Variants in UBE2W observed in about 807,000 individuals in gnomAD.
UBE2W encodes the protein ubiquitin-conjugating enzyme E2 W.
UBE2W carries 18 observed loss-of-function variants against 27.2 expected under a neutral mutation model. The ratio of observed to expected loss-of-function variants is 0.66; its 90% CI spans 0.46 to 0.98. The LOEUF is 0.98. Among genes scored for constraint, UBE2W ranks in the 50% least tolerant of loss-of-function variants. The probability of loss-of-function intolerance (pLI) is 0.00; values close to 1 mark genes in which losing one functional copy is unlikely to be tolerated. For missense variants in UBE2W, 90 were observed against 180.2 expected (o/e 0.50, Z 2.87); for synonymous variants, 53 against 57.2 (o/e 0.93, Z 0.33).
intron 1 of UBE2W, among the ~76,000 whole-genome samples, chr8:73,853,748 CA>C (rs773061578): frequency 2.0e-5 from 3 of 151,772 alleles, no homozygotes; most frequent in Non-Finnish European, 4.4e-5. Flanking sequence ...TCCAAATAAA[CA>C]TATTAAAGTA....
At chr8:73,799,483 G>A (rs554622491) in intron 5 of UBE2W, among the ~76,000 whole-genome samples, 4 of 152,288 alleles carry the variant, frequency 2.6e-5, no homozygotes, top group African/African-American at 9.6e-5. Flanking sequence ...CATGTCAGCA[G>A]AGTCCTCCTC....
intron 1 of UBE2W, chr8:73,831,697 C>A (rs983401256): frequency 6.6e-6 from 1 of 151,652 alleles, no homozygotes; most frequent in Non-Finnish European, 1.5e-5. Context: ...TACAGGTGTT[C>A]AACACCATGC....
At chr8:73,826,043 C>T (rs1245932110) in intron 2 of UBE2W, among the ~76,000 whole-genome samples, 2 of 151,968 alleles carry the variant, frequency 1.3e-5, no homozygotes, top group African/African-American at 4.8e-5. Context: ...TTTTCATCAA[C>T]ATCCTAGAGA....
rs762112766 is a variant in UBE2W, at chr8:73,791,338, T to C, written c.*2764A>G. On this transcript the variant is annotated 3_prime_UTR_variant, in exon 6 of 6. Coordinates refer to ENST00000602593, the MANE Select transcript of UBE2W (RefSeq NM_018299.6). ...ATAAATAAGGAAGCAAATGTATCAC[T>C]GTCTTAATAGAATTTGGCAAACCAG... is the stretch of plus-strand genomic sequence containing the variant. 67 of 982,242 alleles carry C rather than the reference T, an allele frequency of 6.8e-5. No individual in the cohort carries two copies. The highest frequency in any genetic ancestry group is 1.2e-4 in the African/African-American group (7 of 56,596). 60.8% of individuals were successfully genotyped at this position (982,242 alleles called of 1,614,324 possible). A position where few individuals can be genotyped will look rare whatever the true frequency, so the allele number is the denominator to read the frequency against.
intron 1 of UBE2W, among the ~76,000 whole-genome samples, chr8:73,874,999 A>G (rs1418277456): frequency 2.6e-5 from 4 of 152,244 alleles, no homozygotes; most frequent in Admixed American, 1.3e-4. Context: ...AGACAGCGCC[A>G]CTGCACTCCA....
rs535098456 is a variant in UBE2W, at chr8:73,788,363, T to C, written c.*5739A>G. On this transcript the variant is annotated 3_prime_UTR_variant, in exon 6 of 6. Coordinates refer to ENST00000602593, the MANE Select transcript of UBE2W (RefSeq NM_018299.6). ...AAGCATGAGCTTTCATTCCTATTAA[T>C]AAAATGCACACTCTGTAGTTCTGAA... 2 of 985,420 alleles carry C rather than the reference T, an allele frequency of 2.0e-6. No homozygotes were observed. The highest frequency in any genetic ancestry group is 1.1e-4 in the East Asian group (1 of 8,818). 61.0% of individuals were successfully genotyped at this position (985,420 alleles called of 1,614,324 possible).
At chr8:73,867,179 T>C (rs1203860409) in intron 1 of UBE2W, among the ~76,000 whole-genome samples, 5 of 152,074 alleles carry the variant, frequency 3.3e-5, no homozygotes, top group African/African-American at 1.2e-4. Flanking sequence ...AGTGGGTGGA[T>C]CACTTAAGGC....
chr8:73,877,227 C>A (rs1043897426), intron 1 of UBE2W, among the ~76,000 whole-genome samples: 5 of 152,124 alleles, frequency 3.3e-5, no homozygotes, highest in Non-Finnish European at 7.3e-5. Context: ...GGTAATGTAG[C>A]CTATTGCATC....
intron 5 of UBE2W, among the ~76,000 whole-genome samples, chr8:73,794,375 T>C (rs1026946607): frequency 3.3e-5 from 5 of 152,184 alleles, no homozygotes; most frequent in Non-Finnish European, 5.9e-5. Flanking sequence ...AATAATAAAC[T>C]GACATGACAT....
chr8:73,811,441 C>T (rs890000604), intron 3 of UBE2W, among the ~76,000 whole-genome samples: 1 of 152,092 alleles, frequency 6.6e-6, no homozygotes, highest in Non-Finnish European at 1.5e-5. Context: ...ATTCATATAT[C>T]CTGAGGAATC....
At chr8:73,832,041 C>T (rs886157870) in intron 1 of UBE2W, 4 of 150,994 alleles carry the variant, frequency 2.6e-5, no homozygotes, top group South Asian at 2.1e-4. Context: ...GAGGGAGAGA[C>T]GGGGAAAATG....
intron 5 of UBE2W, among the ~76,000 whole-genome samples, chr8:73,802,562 AC>A (rs112028379): frequency 0.057 from 8,660 of 152,194 alleles, 809 homozygotes; most frequent in African/African-American, 0.19. Flanking sequence ...GAGAGCTGAT[AC>A]CCAACATTGA....
chr8:73,797,824 CTGAAACCAATCT>C (rs1352437815), intron 5 of UBE2W, among the ~76,000 whole-genome samples: 8 of 152,322 alleles, frequency 5.3e-5, no homozygotes, highest in African/African-American at 1.9e-4. Flanking sequence ...GCTTAGGTCT[CTGAAACCAATCT>C]TCAACAAACA....
At chr8:73,801,691 T>G (rs998757773) in intron 5 of UBE2W, among the ~76,000 whole-genome samples, 1 of 152,220 alleles carries the variant, frequency 6.6e-6, no homozygotes, top group Non-Finnish European at 1.5e-5. Context: ...TTGTTTGTTT[T>G]TTAAGGCTTT....
chr8:73,865,036 T>C (rs1353674055), intron 1 of UBE2W, among the ~76,000 whole-genome samples: 2 of 151,558 alleles, frequency 1.3e-5, no homozygotes, highest in African/African-American at 4.9e-5. Flanking sequence ...AGCACATAAG[T>C]TAAACAGTGA....
Position 73,790,860 on chromosome 8 carries a change from C to T in UBE2W, c.*3242G>A. On this transcript the variant is annotated 3_prime_UTR_variant, in exon 6 of 6. Coordinates refer to ENST00000602593, the MANE Select transcript of UBE2W (RefSeq NM_018299.6). Reference sequence around the variant, plus strand: ...TGCAACTTGGAAACAATTAAGCAGTCACTAGACACCTGTTTTAGAATCTGA... The same window carrying T: ...TGCAACTTGGAAACAATTAAGCAGTTACTAGACACCTGTTTTAGAATCTGA... 1.0e-6 allele frequency: 1 copy of T among 985,198 alleles called. No homozygotes were observed. The highest frequency in any genetic ancestry group is 1.2e-6 in the Non-Finnish European group (1 of 829,758). 61.0% of individuals were successfully genotyped at this position (985,198 alleles called of 1,614,324 possible).
intron 2 of UBE2W, among the ~76,000 whole-genome samples, chr8:73,828,947 T>C (rs1809963594): frequency 6.6e-6 from 1 of 152,176 alleles, no homozygotes; most frequent in South Asian, 2.1e-4. Context: ...CATATCCACA[T>C]TTCATATACT....
intron 1 of UBE2W, among the ~76,000 whole-genome samples, chr8:73,851,225 T>C (rs556936177): frequency 6.6e-6 from 1 of 150,754 alleles, no homozygotes; most frequent in Non-Finnish European, 1.5e-5. Context: ...TTAAATTTGA[T>C]TGTGAAGGGA....
intron 1 of UBE2W, among the ~76,000 whole-genome samples, chr8:73,865,832 T>A (rs973440452): frequency 6.6e-6 from 1 of 152,156 alleles, no homozygotes; most frequent in East Asian, 1.9e-4. Context: ...CTATCTCTAA[T>A]CATAAAATGC....
Sources: gnomAD v4.1 joint callset for allele counts (sites outside exome capture counted in the v4.1 genomes callset) on GRCh38, gnomAD v4.1.1 for gene constraint, MANE v1.5 for transcripts, NCBI Gene and HGNC (gene_info 2026-07-23, HGNC 2026-07-21) for gene names.